Variants in PTPN1 observed in about 807,000 individuals in gnomAD.
The protein encoded by PTPN1 is protein tyrosine phosphatase non-receptor type 1.
In PTPN1, 12 loss-of-function variants were observed where a neutral mutation model predicts 59.9. The ratio of observed to expected loss-of-function variants is 0.20; its 90% CI spans 0.13 to 0.32. The LOEUF (loss-of-function observed/expected upper bound fraction) is 0.32. Among genes scored for constraint, PTPN1 ranks in the 10% least tolerant of loss-of-function variants. PTPN1 has a pLI of 1.00. For missense variants in PTPN1, 356 were observed against 549.2 expected (o/e 0.65, Z 3.52); for synonymous variants, 178 against 203.6 (o/e 0.87, Z 1.07).
chr20:50,574,081 G>A (rs948930082), intron 4 of PTPN1: 2 of 154,516 alleles, frequency 1.3e-5, no homozygotes, highest in African/African-American at 4.8e-5. Flanking sequence ...GTCTCTCCCA[G>A]TTTTATTTTT....
intron 1 of PTPN1, among the ~76,000 whole-genome samples, chr20:50,547,754 A>G (rs2082682318): frequency 1.3e-5 from 2 of 152,224 alleles, no homozygotes; most frequent in East Asian, 1.9e-4. Flanking sequence ...CCATTTCTAG[A>G]TGAATCTCAT....
At chr20:50,575,474 C>T (rs1037744251) in intron 5 of PTPN1, among the ~76,000 whole-genome samples, 3 of 152,184 alleles carry the variant, frequency 2.0e-5, no homozygotes, top group Admixed American at 6.5e-5. Context: ...GTGTGTAGCA[C>T]GGGCTTTATC....
At position 50,579,995 on chromosome 20, in the gene PTPN1, G is replaced by A. The variant is rs1215870285; in HGVS notation, c.1088+69G>A. 10 of 1,414,388 alleles carry A rather than the reference G, an allele frequency of 7.1e-6. No homozygotes were observed. In the African/African-American group the frequency reaches 1.1e-4, roughly 16 times the overall value. The allele number at this position is 1,414,388 out of a possible 1,614,324, so 87.6% of individuals were successfully genotyped here. ...CTTTCTGTTCTAGAAACACACGCTGGTACTGAAACCCTGTGGATGCAGCCT... is the reference window on the plus strand; with the variant it reads ...CTTTCTGTTCTAGAAACACACGCTGATACTGAAACCCTGTGGATGCAGCCT... On this transcript the variant is annotated intron_variant, in intron 8 of 9. Transcript: ENST00000371621.
At position 50,582,606 on chromosome 20, in the gene PTPN1, CG is replaced by C. The variant is rs1555832774; in HGVS notation, c.1285-80del. On this transcript the variant is annotated intron_variant, in intron 9 of 9. Transcript: ENST00000371621. The surrounding 1 kb of genome is among the most constrained non-coding windows in gnomAD (Gnocchi z 4.2). ...TTGCTCCCTCGGAGGTTGAAGTTGC[CG>C]GGGGGTGTGGCCGGGGTCATGCATG... 26 of 1,443,556 alleles carry C rather than the reference CG, an allele frequency of 1.8e-5. No individual in the cohort carries two copies. The highest frequency in any genetic ancestry group is 6.0e-5 in the South Asian group (5 of 83,004). The allele number at this position is 1,443,556 out of a possible 1,614,324, so 89.4% of individuals were successfully genotyped here.
intron 4 of PTPN1, among the ~76,000 whole-genome samples, chr20:50,569,818 G>C (rs1353234814): frequency 6.6e-6 from 1 of 152,212 alleles, no homozygotes; most frequent in Non-Finnish European, 1.5e-5. Context: ...ATCCCATTTA[G>C]ACCATCTGCC....
chr20:50,522,574 A>G (rs1051911799), intron 1 of PTPN1, among the ~76,000 whole-genome samples: 1 of 152,212 alleles, frequency 6.6e-6, no homozygotes, highest in Non-Finnish European at 1.5e-5. Context: ...AAAAGTACAT[A>G]TTATGTTGTA....
At chr20:50,561,790 G>T (rs1000637535) in intron 2 of PTPN1, among the ~76,000 whole-genome samples, 36 of 152,208 alleles carry the variant, frequency 2.4e-4, no homozygotes, top group African/African-American at 8.0e-4. Flanking sequence ...CTCAGCAGCA[G>T]CGTCATTAGG....
intron 1 of PTPN1, among the ~76,000 whole-genome samples, chr20:50,559,000 TA>T: frequency 1.3e-5 from 2 of 151,486 alleles, no homozygotes; most frequent in South Asian, 4.2e-4. Context: ...GCATGGATGA[TA>T]AAGGTATTGA....
In PTPN1 at chr20:50,546,821, C is replaced by T. The variant is rs563635063; in HGVS notation, c.64-14542C>T. Among the ~76,000 whole-genome samples the T allele has an allele frequency of 4.6e-5, 7 of 152,298 alleles. No individual in the cohort carries two copies. In the South Asian group the frequency reaches 8.3e-4, roughly 18 times the overall value. Reference sequence around the variant, plus strand: ...AGCTGGTGATTGATAGTCTGATTCCCGGTGAGGAAAGCTGTGAGCCTTCCA... The same window carrying T: ...AGCTGGTGATTGATAGTCTGATTCCTGGTGAGGAAAGCTGTGAGCCTTCCA... On this transcript the variant is annotated intron_variant, in intron 1 of 9. Transcript: ENST00000371621.
chr20:50,541,568 C>A (rs1224218610), intron 1 of PTPN1, among the ~76,000 whole-genome samples: 1 of 152,124 alleles, frequency 6.6e-6, no homozygotes, highest in South Asian at 2.1e-4. Context: ...TTCTAAGAGC[C>A]TGGGCAAACC....
chr20:50,526,360 T>G (rs1242247059), intron 1 of PTPN1, among the ~76,000 whole-genome samples: 2 of 152,004 alleles, frequency 1.3e-5, no homozygotes, highest in Non-Finnish European at 2.9e-5. Flanking sequence ...GGATTACAGG[T>G]GTGAGCCACC....
chr20:50,544,461 T>A (rs758284012), intron 1 of PTPN1, among the ~76,000 whole-genome samples: 1 of 152,208 alleles, frequency 6.6e-6, no homozygotes, highest in Non-Finnish European at 1.5e-5. Context: ...CTGCCTGATT[T>A]TTTAAATGTG....
intron 1 of PTPN1, among the ~76,000 whole-genome samples, chr20:50,536,372 TTTATAA>T (rs1192799662): frequency 1.3e-5 from 2 of 152,218 alleles, no homozygotes; most frequent in South Asian, 2.1e-4. Context: ...AATGGCCTCT[TTTATAA>T]TTATAAGAGG....
chr20:50,562,266 G>A (rs1247447000), intron 2 of PTPN1, among the ~76,000 whole-genome samples: 1 of 152,196 alleles, frequency 6.6e-6, no homozygotes, highest in Non-Finnish European at 1.5e-5. Flanking sequence ...CATTCCTCCA[G>A]TGGGCACTTC....
chr20:50,514,252 T>C (rs772297663), intron 1 of PTPN1, among the ~76,000 whole-genome samples: 12 of 152,244 alleles, frequency 7.9e-5, no homozygotes, highest in Non-Finnish European at 1.6e-4. Context: ...CTGCAAGTTA[T>C]CTGCCGTTAC....
intron 1 of PTPN1, among the ~76,000 whole-genome samples, chr20:50,541,974 G>A (rs895325031): frequency 7.9e-5 from 12 of 152,130 alleles, no homozygotes; most frequent in African/African-American, 2.9e-4. Flanking sequence ...CCTTCTTCCT[G>A]TAGAATAGAC....
In PTPN1 at chr20:50,578,411, C is replaced by G; in HGVS notation, c.493-9C>G. On this transcript the variant is annotated splice_polypyrimidine_tract_variant and intron_variant, in intron 5 of 9. Coordinates refer to ENST00000371621, the MANE Select transcript of PTPN1 (RefSeq NM_002827.4). ...TTTTAGAATCATCATGAGTATTTTT[C>G]TCTTTCAGACCCAAGAAACTCGAGA... The G allele has an allele frequency of 1.9e-6, 3 of 1,608,384 alleles. No individual in the cohort carries two copies. Among genetic ancestry groups the G allele is most frequent in the Non-Finnish European group, 2.6e-6 (3 of 1,175,046 alleles).
intron 4 of PTPN1, 167 bp from the exon 5 acceptor site, chr20:50,574,350 A>AC (rs2082825562): frequency 1.6e-6 from 1 of 637,642 alleles, no homozygotes; most frequent in Admixed American, 4.2e-5. Context: ...TCGTGCCCCC[A>AC]CCCCCATCTC....
rs1437231621 is a variant in PTPN1, at chr20:50,579,267, C to T, written c.802C>T (p.Arg268Cys). Residue 268 changes from arginine to cysteine, a missense_variant, in exon 7 of 10, where the codon CGC becomes TGC. This residue lies in a region of PTPN1 where 194 missense variants were observed against 344.2 expected (regional missense o/e 0.56). Transcript: ENST00000371621. ...MGLIQTADQL[R>C]FSYLAVIEGA... Reference sequence around the variant, plus strand: ...GCTGATCCAGACAGCCGACCAGCTGCGCTTCTCCTACCTGGCTGTGATCGA... The same window carrying T: ...GCTGATCCAGACAGCCGACCAGCTGTGCTTCTCCTACCTGGCTGTGATCGA... 1.9e-6 allele frequency: 3 copies of T among 1,614,114 alleles called. No individual in the cohort carries two copies. Among genetic ancestry groups the T allele is most frequent in the African/African-American group, 2.7e-5 (2 of 74,932 alleles).
Sources: gnomAD v4.1 joint callset for allele counts (sites outside exome capture counted in the v4.1 genomes callset) on GRCh38, gnomAD v4.1.1 for gene constraint, gnomAD v4.1.1 regional missense constraint, Gnocchi (gnomAD v3.1) non-coding constraint, MANE v1.5 for transcripts, NCBI Gene and HGNC (gene_info 2026-07-23, HGNC 2026-07-21) for gene names.